Variants in CHL1 observed in about 807,000 individuals in gnomAD.
The protein encoded by CHL1 is cell adhesion molecule L1 like, also known as neural cell adhesion molecule L1-like protein.
A neutral mutation model predicts 141.9 loss-of-function variants in CHL1; 96 were observed. That is an observed-to-expected ratio of 0.68 (90% CI 0.57 to 0.80). The LOEUF (loss-of-function observed/expected upper bound fraction) is 0.80. Among genes scored for constraint, CHL1 ranks in the 30% least tolerant of loss-of-function variants. The pLI, the probability that CHL1 is intolerant of heterozygous loss-of-function variation, is 0.00. For synonymous variants in CHL1, 613 were observed against 502.2 expected (o/e 1.22, Z -2.95); for missense variants, 1,820 against 1,457.2 (o/e 1.25, Z -4.05).
At chr3:353,959 G>A (rs1463612915) in intron 10 of CHL1, among the ~76,000 whole-genome samples, 1 of 152,084 alleles carries the variant, frequency 6.6e-6, no homozygotes, top group Non-Finnish European at 1.5e-5. Context: ...TGTGTCATCT[G>A]TTTCTGACAT....
intron 18 of CHL1, 85 bp downstream of exon 18, chr3:382,756 T>A: frequency 8.5e-7 from 1 of 1,172,874 alleles, no homozygotes; most frequent in Non-Finnish European, 1.3e-6. Flanking sequence ...ATTGATAGAG[T>A]AATGTAGGAT....
chr3:304,082 G>A lies in CHL1; in HGVS notation c.-94-15601G>A, dbSNP rs993237461. On this transcript the variant is annotated intron_variant, in intron 2 of 27. Transcript: ENST00000256509. ...GCATCCCAGGTACGAAGCCAACTTC[G>A]TACCTGGTGGTAAGCTTTTTGATGT... 1.5e-4 allele frequency among the ~76,000 whole-genome samples: 22 copies of A among 151,642 alleles called. No homozygotes were observed. In the South Asian group the frequency reaches 2.5e-3, roughly 17 times the overall value.
At chr3:224,888 C>A (rs1297323509) in intron 1 of CHL1, among the ~76,000 whole-genome samples, 3 of 152,180 alleles carry the variant, frequency 2.0e-5, no homozygotes, top group Non-Finnish European at 4.4e-5. Context: ...GTAATCCCAG[C>A]TACTCAGGAG....
intron 2 of CHL1, among the ~76,000 whole-genome samples, chr3:296,439 T>G (rs1200615660): frequency 6.6e-6 from 1 of 151,786 alleles, no homozygotes; most frequent in African/African-American, 2.4e-5. Flanking sequence ...TCATGCTTTT[T>G]TTTCTTCCCT....
At chr3:298,337 G>C (rs1458763390) in intron 2 of CHL1, among the ~76,000 whole-genome samples, 1 of 152,132 alleles carries the variant, frequency 6.6e-6, no homozygotes, top group Admixed American at 6.5e-5. Context: ...CATGGCATGG[G>C]TGAGCCAGGG....
intron 2 of CHL1, among the ~76,000 whole-genome samples, chr3:255,870 A>T (rs999942877): frequency 2.0e-5 from 3 of 152,028 alleles, no homozygotes; most frequent in African/African-American, 4.8e-5. Flanking sequence ...TTTAATGTCT[A>T]CCCATTGTCC....
chr3:360,733 C>CT (rs1704159149), intron 12 of CHL1, among the ~76,000 whole-genome samples: 1 of 116,288 alleles, frequency 8.6e-6, no homozygotes, highest in African/African-American at 3.7e-5. Flanking sequence ...GATGCTATCC[C>CT]GCCCCCCCTC....
intron 9 of CHL1, among the ~76,000 whole-genome samples, chr3:345,447 TTTATTTATTTATTTATTTAA>T (rs1702685363): frequency 7.4e-6 from 1 of 135,946 alleles, no homozygotes; most frequent in Non-Finnish European, 1.7e-5. Flanking sequence ...AATCCATTTA[TTTATTTATTTATTTATTTAA>T]TTATTTATTC....
At chr3:385,101 A>C (rs1426326598) in intron 19 of CHL1, among the ~76,000 whole-genome samples, 1 of 152,188 alleles carries the variant, frequency 6.6e-6, no homozygotes, top group Admixed American at 6.5e-5. Context: ...TTGTCTTGAT[A>C]ATTACTTAAT....
chr3:288,153 A>G lies in CHL1; in HGVS notation c.-94-31530A>G, dbSNP rs2125326717. Among the ~76,000 whole-genome samples, 2 of 152,300 alleles carry G rather than the reference A, an allele frequency of 1.3e-5. 1 individual carries two copies. Among genetic ancestry groups the G allele is most frequent in the Middle Eastern group, 6.8e-3 (2 of 294 alleles). On this transcript the variant is annotated intron_variant, in intron 2 of 27. Coordinates refer to ENST00000256509, the MANE Select transcript of CHL1 (RefSeq NM_006614.4). ...TCAGAATACAGGATGAAACAAAGCT[A>G]ATTTAAGGTGACCAAGTTTATACAT...
At chr3:310,951 T>C (rs1391805229) in intron 2 of CHL1, among the ~76,000 whole-genome samples, 2 of 152,194 alleles carry the variant, frequency 1.3e-5, no homozygotes, top group Admixed American at 1.3e-4. Context: ...TTTTGCCTTT[T>C]CCAGAGTGTC....
chr3:371,362 C>T (rs1046647181), intron 15 of CHL1, among the ~76,000 whole-genome samples: 3 of 151,892 alleles, frequency 2.0e-5, no homozygotes, highest in Admixed American at 6.6e-5. Flanking sequence ...CTATGTAATG[C>T]CCTTCTTTGT....
intron 26 of CHL1, among the ~76,000 whole-genome samples, chr3:399,380 G>A (rs186090596): frequency 1.6e-4 from 25 of 152,286 alleles, no homozygotes; most frequent in African/African-American, 2.9e-4. Flanking sequence ...AGTGGCTCAC[G>A]CCTGTAATTC....
chr3:276,943 C>T (rs1458238663), intron 2 of CHL1, among the ~76,000 whole-genome samples: 6 of 149,958 alleles, frequency 4.0e-5, no homozygotes, highest in African/African-American at 7.3e-5. Context: ...CCAGATTATC[C>T]GGGTTCCATT....
At chr3:389,160 C>A in intron 19 of CHL1, 92 bp from the exon 20 acceptor site, 1 of 966,492 alleles carries the variant, frequency 1.0e-6, no homozygotes, top group South Asian at 1.5e-5. Context: ...CATTTCATTA[C>A]ATTGTTCCTT....
intron 2 of CHL1, among the ~76,000 whole-genome samples, chr3:252,455 A>C (rs986158279): frequency 1.4e-5 from 2 of 143,686 alleles, no homozygotes; most frequent in Non-Finnish European, 3.0e-5. Context: ...AAATATTCTT[A>C]AGTGCTTTCA....
At chr3:252,242 C>G (rs1301568875) in intron 2 of CHL1, among the ~76,000 whole-genome samples, 1 of 150,716 alleles carries the variant, frequency 6.6e-6, no homozygotes, top group Non-Finnish European at 1.5e-5. Flanking sequence ...CTCTTCTTGA[C>G]TCTATTCATA....
chr3:390,506 C>T (rs981241037), intron 20 of CHL1, among the ~76,000 whole-genome samples, 195 bp from the exon 21 acceptor site: 1 of 152,204 alleles, frequency 6.6e-6, no homozygotes, highest in African/African-American at 2.4e-5. Flanking sequence ...CAGTGTGATA[C>T]AGTCTGTCCT....
chr3:339,223 C>T (rs1200040385), intron 5 of CHL1, among the ~76,000 whole-genome samples: 2 of 152,126 alleles, frequency 1.3e-5, no homozygotes, highest in African/African-American at 4.8e-5. Context: ...GGTACATAAA[C>T]GTTTTGTATA....
Sources: allele counts gnomAD v4.1 joint callset (sites outside exome capture counted in the v4.1 genomes callset), GRCh38; gene constraint gnomAD v4.1.1; transcripts MANE v1.5; gene names NCBI Gene and HGNC (gene_info 2026-07-23, HGNC 2026-07-21).